The following PDE1C variants were observed in gnomAD, a reference collection of about 807,000 sequenced individuals.
The protein encoded by PDE1C is dual specificity calcium/calmodulin-dependent 3',5'-cyclic nucleotide phosphodiesterase 1C.
PDE1C carries 62 observed loss-of-function variants against 93.1 expected under a neutral mutation model. The observed-to-expected ratio is 0.67, with a 90% CI of 0.54 to 0.82. The LOEUF (loss-of-function observed/expected upper bound fraction) is 0.82. Ranked by LOEUF, PDE1C falls within the 40% of genes least tolerant of loss-of-function variation. The pLI is 0.00. For synonymous variants in PDE1C, 325 were observed against 310.1 expected, an observed-to-expected ratio of 1.05 and a Z score of -0.50; for missense variants, 742 against 884.6, an observed-to-expected ratio of 0.84 and a Z score of 2.04.
chr7:32,272,340 T>C (rs1811025777), intron 1 of PDE1C, among the ~76,000 whole-genome samples: 1 of 152,122 alleles, frequency 6.6e-6, no homozygotes, highest in South Asian at 2.1e-4. Context: ...ATTCCAACCA[T>C]CCTACCAGAC....
At chr7:31,735,806 G>A in the PDE1C span, among the ~76,000 whole-genome samples, 2 of 152,152 alleles carry the variant, frequency 1.3e-5, no homozygotes, top group Non-Finnish European at 1.5e-5. Flanking sequence ...CAGAAGTGGC[G>A]AAATTGTATA....
In PDE1C at chr7:31,807,805, G is replaced by C. The variant is rs1787044673; in HGVS notation, c.1891+1226C>G. ...ATTTAAACAAACCTTACCTATAATA[G>C]AGTCTGGCTCAGAGACTGTCATTCT... is the stretch of plus-strand genomic sequence containing the variant. On this transcript the variant is annotated intron_variant, in intron 16 of 17. Transcript: ENST00000396191. Among the ~76,000 whole-genome samples, 4 of 151,802 alleles carry C rather than the reference G, an allele frequency of 2.6e-5. No individual in the cohort carries two copies. The South Asian group carries it at 6.2e-4, about 24-fold the overall frequency.
intron 2 of PDE1C, among the ~76,000 whole-genome samples, chr7:31,892,740 C>G (rs1479696808): frequency 6.6e-6 from 1 of 152,024 alleles, no homozygotes; most frequent in East Asian, 1.9e-4. Flanking sequence ...GCTTATTTCA[C>G]TTAGCATAAT....
At chr7:31,973,787 C>T (rs1326148194) in intron 2 of PDE1C, among the ~76,000 whole-genome samples, 2 of 152,044 alleles carry the variant, frequency 1.3e-5, no homozygotes, top group Non-Finnish European at 2.9e-5. Context: ...GTTACGGGGT[C>T]TACATTCTTG....
At chr7:32,070,871 G>A (rs1795981781), upstream of PDE1C, 12 of 986,120 alleles carry the variant, frequency 1.2e-5, no homozygotes, top group African/African-American at 3.5e-5. Context: ...CGGCGCGGGC[G>A]GTGGGGCCTG....
Position 32,424,534 on chromosome 7 carries a change from G to C in PDE1C, c.310+3288C>G, listed in dbSNP as rs534191582. Among the ~76,000 whole-genome samples the C allele has an allele frequency of 5.3e-5, 8 of 152,312 alleles. No homozygotes were observed. In the South Asian group the frequency reaches 1.7e-3, roughly 32 times the overall value. On this transcript the variant is annotated intron_variant, in intron 1 of 1. Transcript: ENST00000672256. ...GCAGTGGCTCATGCCTATAATCCCA[G>C]TACTTTGGGAGGCTGAGGCGGGTGG...
upstream of PDE1C, chr7:32,070,714 T>G: frequency 8.4e-7 from 1 of 1,186,578 alleles, no homozygotes. Flanking sequence ...GCACCTCGGG[T>G]CTATTCGTAT....
chr7:32,261,267 A>G (rs758410336), intron 1 of PDE1C, among the ~76,000 whole-genome samples: 1 of 152,158 alleles, frequency 6.6e-6, no homozygotes, highest in Non-Finnish European at 1.5e-5. Context: ...TTGATGGATC[A>G]GCTGACACCA....
chr7:32,330,056 G>A (rs1783481665), intron 1 of PDE1C, among the ~76,000 whole-genome samples: 1 of 152,238 alleles, frequency 6.6e-6, no homozygotes, highest in South Asian at 2.1e-4. Context: ...CAACCAAATA[G>A]ATTCAGAACA....
the PDE1C span, chr7:31,692,428 C>T: frequency 2.5e-6 from 4 of 1,590,514 alleles, no homozygotes; most frequent in Non-Finnish European, 3.5e-6. Flanking sequence ...AATACATCCA[C>T]CCACCCTCCT....
intron 1 of PDE1C, among the ~76,000 whole-genome samples, chr7:32,389,993 G>A (rs1358261910): frequency 1.3e-5 from 2 of 152,034 alleles, no homozygotes; most frequent in Admixed American, 6.6e-5. Flanking sequence ...TTGAAACAGG[G>A]AAATAAAACC....
chr7:32,032,701 T>G (rs185768877), intron 2 of PDE1C, among the ~76,000 whole-genome samples: 1 of 152,238 alleles, frequency 6.6e-6, no homozygotes, highest in East Asian at 1.9e-4. Context: ...ACACAGACAG[T>G]GCCCTCTCCA....
At chr7:31,714,041 C>G in the PDE1C span, among the ~76,000 whole-genome samples, 2 of 152,204 alleles carry the variant, frequency 1.3e-5, no homozygotes, top group East Asian at 1.9e-4. Context: ...ATTTCTGCAG[C>G]TGGCTTGAAT....
At chr7:32,058,105 C>T (rs1031092469) in intron 1 of PDE1C, among the ~76,000 whole-genome samples, 1 of 152,178 alleles carries the variant, frequency 6.6e-6, no homozygotes, top group Admixed American at 6.5e-5. Context: ...CACAAGATTT[C>T]CTGGTATGGG....
chr7:31,838,033 G>GT (rs908112993), intron 9 of PDE1C, 62 bp from the exon 10 acceptor site: 14,640 of 916,056 alleles, frequency 0.016, 1 homozygote, highest in South Asian at 0.021. Context: ...AAAAATCAGT[G>GT]TTTTTTTTTT....
intron 1 of PDE1C, among the ~76,000 whole-genome samples, chr7:32,393,405 G>T (rs541846012): frequency 3.3e-5 from 5 of 152,272 alleles, no homozygotes; most frequent in East Asian, 1.9e-4. Flanking sequence ...AGTTTACCTT[G>T]TTTACAGATT....
At chr7:31,905,519 G>A (rs76131182) in intron 2 of PDE1C, among the ~76,000 whole-genome samples, 2,326 of 152,110 alleles carry the variant, frequency 0.015, 58 homozygotes, top group African/African-American at 0.054. Context: ...AATTTCCCAC[G>A]TTAACTGGAC....
intron 17 of PDE1C, among the ~76,000 whole-genome samples, chr7:31,764,128 A>G (rs1794997192): frequency 6.6e-6 from 1 of 152,012 alleles, no homozygotes; most frequent in African/African-American, 2.4e-5. Context: ...ATGCAAAAAT[A>G]TAGTGGTTCA....
intron 1 of PDE1C, among the ~76,000 whole-genome samples, chr7:32,420,685 T>G (rs1785414012): frequency 6.6e-6 from 1 of 151,902 alleles, no homozygotes; most frequent in South Asian, 2.1e-4. Context: ...TTGTATTTTT[T>G]TTAATTTGAC....
Sources: gnomAD v4.1 joint callset for allele counts (sites outside exome capture counted in the v4.1 genomes callset) on GRCh38, gnomAD v4.1.1 for gene constraint, MANE v1.5 for transcripts, NCBI Gene and HGNC (gene_info 2026-07-23, HGNC 2026-07-21) for gene names.